Variants in RYR2 observed in about 807,000 individuals in gnomAD.
RYR2 encodes cardiac muscle ryanodine receptor-calcium release channel.
In RYR2, 227 loss-of-function variants were observed where a neutral mutation model predicts 601.1. The ratio of observed to expected loss-of-function variants is 0.38; its 90% confidence interval spans 0.34 to 0.42. The LOEUF is 0.42. Ranked by LOEUF, RYR2 falls within the 10% of genes least tolerant of loss-of-function variation. The pLI, the probability that RYR2 is intolerant of heterozygous loss-of-function variation, is 1.00. For missense variants in RYR2, 4,646 were observed against 6,156.5 expected, an observed-to-expected ratio of 0.75 and a Z score of 8.21; for synonymous variants, 2,223 against 2,175.1, an observed-to-expected ratio of 1.02 and a Z score of -0.61.
intron 14 of RYR2, among the ~76,000 whole-genome samples, chr1:237,447,967 G>A (rs185014357): frequency 3.3e-4 from 48 of 145,634 alleles, no homozygotes; most frequent in Admixed American, 2.8e-3. Context: ...TCATTCTGTC[G>A]CCCAGACTAG....
intron 62 of RYR2, among the ~76,000 whole-genome samples, chr1:237,687,198 TTATAA>T (rs1214390847): frequency 6.6e-6 from 1 of 152,060 alleles, no homozygotes; most frequent in Non-Finnish European, 1.5e-5. Flanking sequence ...TTTTGGTTTC[TTATAA>T]TATGTGCTTT....
At chr1:237,796,055 TAGA>T (rs1286108593) in intron 96 of RYR2, among the ~76,000 whole-genome samples, 1 of 151,622 alleles carries the variant, frequency 6.6e-6, no homozygotes, top group Non-Finnish European at 1.5e-5. Context: ...TTTACTTTGT[TAGA>T]AGCAATGTGT....
chr1:237,557,211 C>G (rs909821411), intron 27 of RYR2, among the ~76,000 whole-genome samples: 2 of 152,184 alleles, frequency 1.3e-5, no homozygotes, highest in Non-Finnish European at 2.9e-5. Context: ...CACATGGAAG[C>G]TGACTTCCCC....
chr1:237,542,124 A>C (rs1187674969), intron 25 of RYR2, among the ~76,000 whole-genome samples: 2 of 150,746 alleles, frequency 1.3e-5, no homozygotes, highest in Non-Finnish European at 1.5e-5. Context: ...ACAGAGTTTC[A>C]CTCTTGTTGC....
rs767796987 is a variant in RYR2 at position 237,648,550 on chromosome 1, C to T, written c.7449C>T (p.Phe2483=). The T allele has an allele frequency of 2.5e-6, 4 of 1,611,298 alleles. No individual in the cohort carries two copies. The highest frequency in any genetic ancestry group is 2.2e-5 in the South Asian group (2 of 90,352). ...TCTATGGGATTGAGGTTCAAGACTT[C>T]CTCCTCCATCTTCTTGAGGTTGGCT... ...DRVYGIEVQD[F]LLHLLEVGFL... is the part of the protein sequence containing the mutation. The change falls in exon 49 of 105, where the codon TTC becomes TTT. Residue 2483 remains phenylalanine (F), a synonymous_variant. Transcript: ENST00000366574.
At chr1:237,242,592 T>C (rs1335308588) in intron 1 of RYR2, among the ~76,000 whole-genome samples, 1 of 152,180 alleles carries the variant, frequency 6.6e-6, no homozygotes, top group African/African-American at 2.4e-5. Context: ...AAAGGTTTAA[T>C]ACTCAGGACG....
chr1:237,370,816 A>T (rs572961674), intron 6 of RYR2, among the ~76,000 whole-genome samples: 1 of 151,974 alleles, frequency 6.6e-6, no homozygotes, highest in Non-Finnish European at 1.5e-5. Flanking sequence ...GCCCGCCACC[A>T]CACCCAGCTA....
intron 32 of RYR2, among the ~76,000 whole-genome samples, chr1:237,592,756 C>T (rs933977678): frequency 6.6e-6 from 1 of 151,524 alleles, no homozygotes; most frequent in Non-Finnish European, 1.5e-5. Context: ...TGCGGTGACT[C>T]GCGCCTGTAA....
At position 237,122,189 on chromosome 1, in the gene RYR2, G is replaced by A. The variant is rs553435866; in HGVS notation, c.48+79620G>A. On this transcript the variant is annotated intron_variant, in intron 1 of 104. Transcript: ENST00000366574. The stretch of plus-strand genomic sequence containing the variant: ...CGGGGATGCCGAGGGGAATGATCCA[G>A]TTAAGAGGGAAGCAACCCACCGGGA... 3.9e-5 allele frequency among the ~76,000 whole-genome samples: 6 copies of A among 152,354 alleles called. No individual in the cohort carries two copies. The South Asian group carries it at 8.3e-4, about 21-fold the overall frequency.
At chr1:237,731,745 C>A (rs1690696353) in intron 77 of RYR2, among the ~76,000 whole-genome samples, 1 of 151,944 alleles carries the variant, frequency 6.6e-6, no homozygotes, top group Middle Eastern at 3.2e-3. Context: ...GGTAATGTAA[C>A]AGATATCTAG....
chr1:237,485,055 G>A (rs756797618), intron 17 of RYR2, among the ~76,000 whole-genome samples: 6 of 152,116 alleles, frequency 3.9e-5, no homozygotes, highest in Admixed American at 6.5e-5. Context: ...GAAATTTGCC[G>A]AATTCACCAA....
intron 1 of RYR2, among the ~76,000 whole-genome samples, chr1:237,096,896 T>C (rs1667561110): frequency 6.6e-6 from 1 of 152,160 alleles, no homozygotes; most frequent in South Asian, 2.1e-4. Context: ...GAATTAGAAA[T>C]CCTGCACCTT....
chr1:237,693,572 A>T (rs932421080), intron 63 of RYR2, among the ~76,000 whole-genome samples: 2 of 152,194 alleles, frequency 1.3e-5, no homozygotes, highest in African/African-American at 4.8e-5. Context: ...CATAATACTG[A>T]CCTAGAACCC....
chr1:237,631,013 A>G (rs1680184004), intron 41 of RYR2, among the ~76,000 whole-genome samples: 1 of 152,182 alleles, frequency 6.6e-6, no homozygotes, highest in East Asian at 1.9e-4. Flanking sequence ...CAGCATATAT[A>G]AATACTAGCA....
At chr1:237,756,427 C>T in intron 81 of RYR2, 40 bp downstream of exon 81, 1 of 1,324,078 alleles carries the variant, frequency 7.6e-7, no homozygotes, top group Non-Finnish European at 1.1e-6. Flanking sequence ...GTCTGTTCTT[C>T]AGATTTCCTC....
intron 23 of RYR2, among the ~76,000 whole-genome samples, chr1:237,508,348 CA>C (rs1665478418): frequency 6.6e-6 from 1 of 151,474 alleles, no homozygotes; most frequent in Admixed American, 6.6e-5. Context: ...AGAGATGCTA[CA>C]AATGTGTAAG....
At chr1:237,176,702 T>A (rs1008627172) in intron 1 of RYR2, among the ~76,000 whole-genome samples, 1 of 152,346 alleles carries the variant, frequency 6.6e-6, no homozygotes, top group Admixed American at 6.5e-5. Flanking sequence ...GGCAACTACA[T>A]GTTCTTTAAA....
intron 1 of RYR2, among the ~76,000 whole-genome samples, chr1:237,117,695 CT>C (rs1420988620): frequency 9.5e-6 from 1 of 104,894 alleles, no homozygotes; most frequent in African/African-American, 4.0e-5. Context: ...CTCTTCTCTT[CT>C]CTTCTCTTCT....
chr1:237,683,373 T>C (rs897124381), intron 62 of RYR2, among the ~76,000 whole-genome samples: 2 of 152,206 alleles, frequency 1.3e-5, no homozygotes, highest in Non-Finnish European at 2.9e-5. Flanking sequence ...GTCTGGAGTA[T>C]ACTTTGCAGT....
Sources: gnomAD v4.1 joint callset for allele counts (sites outside exome capture counted in the v4.1 genomes callset) on GRCh38, gnomAD v4.1.1 for gene constraint, MANE v1.5 for transcripts, NCBI Gene and HGNC (gene_info 2026-07-23, HGNC 2026-07-21) for gene names.